ADAMTS3: variants seen among roughly 807,000 people sequenced by gnomAD.
ADAMTS3 encodes ADAM metallopeptidase with thrombospondin type 1 motif 3, also known as A disintegrin and metalloproteinase with thrombospondin motifs 3.
In ADAMTS3, 73 loss-of-function variants were observed where a neutral mutation model predicts 129.0. The observed-to-expected ratio is 0.57, with a 90% CI of 0.47 to 0.69. The LOEUF is 0.69. ADAMTS3 is among the 30% of genes least tolerant of loss of function. The pLI, the probability that ADAMTS3 is intolerant of heterozygous loss-of-function variation, is 0.00. For missense variants in ADAMTS3, 1,457 were observed against 1,514.5 expected (o/e 0.96, Z 0.63); for synonymous variants, 477 against 510.8 (o/e 0.93, Z 0.89).
intron 4 of ADAMTS3, among the ~76,000 whole-genome samples, chr4:72,349,787 T>C (rs1015654031): frequency 6.6e-6 from 1 of 152,050 alleles, no homozygotes; most frequent in African/African-American, 2.4e-5. Flanking sequence ...AAAATTTTAC[T>C]GAAGAAGAGT....
intron 4 of ADAMTS3, among the ~76,000 whole-genome samples, chr4:72,367,620 G>A (rs1720900678): frequency 6.6e-6 from 1 of 152,126 alleles, no homozygotes; most frequent in Non-Finnish European, 1.5e-5. Flanking sequence ...GGAGGCCGAG[G>A]CAGGCGGATC....
intron 3 of ADAMTS3, among the ~76,000 whole-genome samples, chr4:72,536,391 C>G (rs1305860867): frequency 6.6e-6 from 1 of 152,146 alleles, no homozygotes; most frequent in Admixed American, 6.5e-5. Flanking sequence ...ACTATATTTT[C>G]CACAAACTGG....
chr4:72,324,588 C>T (rs892037496), intron 5 of ADAMTS3, among the ~76,000 whole-genome samples: 1 of 152,124 alleles, frequency 6.6e-6, no homozygotes, highest in African/African-American at 2.4e-5. Flanking sequence ...CATGCACACA[C>T]ACATGTACTC....
chr4:72,306,105 G>T, intron 15 of ADAMTS3, 38 bp from the exon 16 acceptor site: 1 of 1,501,714 alleles, frequency 6.7e-7, no homozygotes, highest in South Asian at 1.2e-5. Flanking sequence ...AAGCAAAGAA[G>T]AAAACAAAAG....
At chr4:72,498,274 G>A (rs1207309859) in intron 3 of ADAMTS3, among the ~76,000 whole-genome samples, 1 of 151,842 alleles carries the variant, frequency 6.6e-6, no homozygotes, top group Non-Finnish European at 1.5e-5. Flanking sequence ...CATCTATAGT[G>A]CTTTTAGGAA....
intron 3 of ADAMTS3, among the ~76,000 whole-genome samples, chr4:72,539,392 C>T (rs1417578489): frequency 6.8e-6 from 1 of 146,662 alleles, no homozygotes; most frequent in South Asian, 2.2e-4. Context: ...CCAACAGGCA[C>T]ACGAAGAGAT....
chr4:72,470,664 CT>C, intron 3 of ADAMTS3, among the ~76,000 whole-genome samples: 1 of 151,844 alleles, frequency 6.6e-6, no homozygotes. Flanking sequence ...ATGTTTTCAC[CT>C]TTTTCACTGT....
intron 5 of ADAMTS3, among the ~76,000 whole-genome samples, chr4:72,326,295 T>G (rs1303594384): frequency 2.6e-5 from 4 of 152,142 alleles, no homozygotes; most frequent in Non-Finnish European, 4.4e-5. Flanking sequence ...TATCTTATTA[T>G]TTTGATTTTC....
chr4:72,367,667 G>T (rs1268307207), intron 4 of ADAMTS3, among the ~76,000 whole-genome samples: 1 of 152,058 alleles, frequency 6.6e-6, no homozygotes, highest in Admixed American at 6.6e-5. Context: ...TGGCTAACAT[G>T]GTGAAACCCT....
chr4:72,429,755 C>A (rs1322761975), intron 3 of ADAMTS3, among the ~76,000 whole-genome samples: 11 of 152,028 alleles, frequency 7.2e-5, no homozygotes, highest in Non-Finnish European at 1.5e-4. Flanking sequence ...CATAGGAATT[C>A]TGTGTGGGTA....
intron 4 of ADAMTS3, among the ~76,000 whole-genome samples, chr4:72,373,899 AAAT>A (rs58311705): frequency 0.027 from 3,876 of 140,986 alleles, 200 homozygotes; most frequent in African/African-American, 0.096. Flanking sequence ...CCCCATCTCA[AAAT>A]AATAATAATA....
chr4:72,348,924 G>T (rs1423653025), intron 4 of ADAMTS3, among the ~76,000 whole-genome samples: 1 of 151,842 alleles, frequency 6.6e-6, no homozygotes, highest in African/African-American at 2.4e-5. Flanking sequence ...CTTCAGATAA[G>T]ACTTCAATCT....
At chr4:72,524,511 C>G (rs1247802491) in intron 3 of ADAMTS3, among the ~76,000 whole-genome samples, 3 of 151,956 alleles carry the variant, frequency 2.0e-5, no homozygotes, top group African/African-American at 4.8e-5. Flanking sequence ...TCACTTATTG[C>G]TCACAGTAAC....
intron 4 of ADAMTS3, among the ~76,000 whole-genome samples, chr4:72,356,324 T>G (rs1008303101): frequency 2.0e-5 from 3 of 151,998 alleles, no homozygotes; most frequent in Middle Eastern, 3.4e-3. Flanking sequence ...GGAGTATAGT[T>G]GAATAAACTA....
Position 72,304,026 on chromosome 4 carries a change from G to C in ADAMTS3, c.2315C>G (p.Ala772Gly), listed in dbSNP as rs1719022136. Reference protein sequence around the residue: ...HYILNGKGEEAKSRTFIDLGV... With the variant: ...HYILNGKGEEGKSRTFIDLGV... ...AAGATCTATGAAGGTCCGCGACTTG[G>C]CTTCCTCCCCTTTGCCATTTAAAAT... Residue 772 changes from alanine (A) to glycine (G), a missense_variant, in exon 17 of 22, where the codon GCC becomes GGC. Ala to Gly is a moderately conservative substitution (Grantham distance 60). Transcript: ENST00000286657. 6.2e-7 allele frequency: 1 copy of C among 1,613,672 alleles called. No individual in the cohort carries two copies.
At chr4:72,505,813 A>C (rs572777889) in intron 3 of ADAMTS3, among the ~76,000 whole-genome samples, 6 of 151,776 alleles carry the variant, frequency 4.0e-5, no homozygotes, top group Non-Finnish European at 8.8e-5. Flanking sequence ...TGGAGCAGAG[A>C]GGACCATCCT....
intron 5 of ADAMTS3, among the ~76,000 whole-genome samples, chr4:72,329,419 A>C (rs1260114294): frequency 2.6e-5 from 4 of 152,192 alleles, no homozygotes; most frequent in Non-Finnish European, 5.9e-5. Flanking sequence ...CGAAAGCTCA[A>C]CATATATTAG....
chr4:72,320,882 C>T lies in ADAMTS3; in HGVS notation c.946-12G>A. 2 of 1,612,018 alleles carry T rather than the reference C, an allele frequency of 1.2e-6. No individual in the cohort carries two copies. Among genetic ancestry groups the T allele is most frequent in the Non-Finnish European group, 1.7e-6 (2 of 1,179,246 alleles). On this transcript the variant is annotated splice_polypyrimidine_tract_variant and intron_variant, in intron 6 of 21. Coordinates refer to ENST00000286657, the MANE Select transcript of ADAMTS3 (RefSeq NM_014243.3). ...ATGAGGCTGATGGACTAAGTGAAAA[C>T]AATATGTTAAAGACACACCTGACAA... is the stretch of plus-strand genomic sequence containing the variant.
At chr4:72,409,209 A>T (rs1722127457) in intron 4 of ADAMTS3, among the ~76,000 whole-genome samples, 2 of 152,230 alleles carry the variant, frequency 1.3e-5, no homozygotes, top group Admixed American at 6.5e-5. Context: ...GAGAAAGCAA[A>T]CACTACATTT....
Sources: allele counts gnomAD v4.1 joint callset (sites outside exome capture counted in the v4.1 genomes callset), GRCh38; gene constraint gnomAD v4.1.1; transcripts MANE v1.5; gene names NCBI Gene and HGNC (gene_info 2026-07-23, HGNC 2026-07-21).